TENM3: variants seen among roughly 807,000 people sequenced by gnomAD.
TENM3 encodes teneurin-3.
A neutral mutation model predicts 255.1 loss-of-function variants in TENM3; 63 were observed. The ratio of observed to expected loss-of-function variants is 0.25; its 90% CI spans 0.20 to 0.30. The LOEUF is 0.30. Among genes scored for constraint, TENM3 ranks in the 10% least tolerant of loss-of-function variants. The probability of loss-of-function intolerance (pLI) is 1.00; values close to 1 mark genes in which losing one functional copy is unlikely to be tolerated. For missense variants in TENM3, 2,929 were observed against 3,461.1 expected (o/e 0.85, Z 3.86); for synonymous variants, 1,306 against 1,322.3 (o/e 0.99, Z 0.27).
chr4:182,193,177 A>G (rs1406475914), intron 1 of TENM3, among the ~76,000 whole-genome samples: 1 of 152,202 alleles, frequency 6.6e-6, no homozygotes, highest in Non-Finnish European at 1.5e-5. Context: ...GTTGTAGAAA[A>G]GTATGTTTCA....
chr4:181,847,316 G>C, the TENM3 span, among the ~76,000 whole-genome samples: 1 of 152,120 alleles, frequency 6.6e-6, no homozygotes, highest in Non-Finnish European at 1.5e-5. Context: ...TTGCTCTTGA[G>C]GGTCACTATT....
the TENM3 span, among the ~76,000 whole-genome samples, chr4:182,100,770 T>TAC: frequency 9.0e-5 from 5 of 55,652 alleles, 1 homozygote; most frequent in African/African-American, 1.5e-4. Flanking sequence ...CACATATATA[T>TAC]ACACATATAT....
chr4:181,595,173 G>C, the TENM3 span, among the ~76,000 whole-genome samples: 1 of 152,074 alleles, frequency 6.6e-6, no homozygotes, highest in Non-Finnish European at 1.5e-5. Context: ...GCTCACGCCT[G>C]TAATCCCAGC....
At chr4:181,555,447 A>G in the TENM3 span, among the ~76,000 whole-genome samples, 6 of 152,226 alleles carry the variant, frequency 3.9e-5, no homozygotes, top group African/African-American at 1.4e-4. Flanking sequence ...TATTTAAGGT[A>G]TGATCAGTTT....
the TENM3 span, among the ~76,000 whole-genome samples, chr4:181,517,527 C>T: frequency 1.3e-5 from 2 of 152,180 alleles, no homozygotes; most frequent in Non-Finnish European, 2.9e-5. Context: ...TACAGAAATG[C>T]TACAGGACTC....
At chr4:181,636,017 G>A in the TENM3 span, among the ~76,000 whole-genome samples, 1 of 152,022 alleles carries the variant, frequency 6.6e-6, no homozygotes, top group African/African-American at 2.4e-5. Flanking sequence ...GTACACACAT[G>A]TGGAAGGAAA....
At chr4:182,295,455 G>A (rs573694635) in intron 1 of TENM3, among the ~76,000 whole-genome samples, 71 of 151,866 alleles carry the variant, frequency 4.7e-4, no homozygotes, top group African/African-American at 1.0e-3. Context: ...TTTTATTAGC[G>A]ATGGGGTTTC....
At chr4:181,579,934 ATTTTATTTTATTTTATT>A in the TENM3 span, among the ~76,000 whole-genome samples, 1 of 3,232 alleles carries the variant, frequency 3.1e-4, no homozygotes, top group African/African-American at 6.5e-4. Context: ...AGTACCTACA[ATTTTATTTTATTTTATT>A]TTATTTTATT....
chr4:181,601,575 A>G, the TENM3 span, among the ~76,000 whole-genome samples: 1 of 152,294 alleles, frequency 6.6e-6, no homozygotes, highest in Non-Finnish European at 1.5e-5. Context: ...CTAAATTGTT[A>G]CATGTACTTT....
At chr4:182,025,496 T>G in the TENM3 span, among the ~76,000 whole-genome samples, 9 of 152,196 alleles carry the variant, frequency 5.9e-5, no homozygotes, top group Non-Finnish European at 4.4e-5. Context: ...TGCAGGTATC[T>G]CTTTGATATA....
the TENM3 span, among the ~76,000 whole-genome samples, chr4:181,926,048 A>G: frequency 6.6e-6 from 1 of 152,226 alleles, no homozygotes; most frequent in Admixed American, 6.5e-5. Context: ...CTTGAAGATA[A>G]CTAAAGAAAG....
At chr4:182,579,941 G>C (rs994888022) in intron 3 of TENM3, among the ~76,000 whole-genome samples, 5 of 152,190 alleles carry the variant, frequency 3.3e-5, no homozygotes, top group African/African-American at 1.2e-4. Flanking sequence ...TTATCTGTGA[G>C]AAGGCAGAGG....
chr4:182,509,967 G>C (rs976614966), intron 3 of TENM3, among the ~76,000 whole-genome samples: 1 of 149,668 alleles, frequency 6.7e-6, no homozygotes, highest in Non-Finnish European at 1.5e-5. Flanking sequence ...AATGTAGGGA[G>C]ATACAGGTAT....
At chr4:182,390,098 A>G (rs1231220365) in intron 3 of TENM3, among the ~76,000 whole-genome samples, 1 of 152,140 alleles carries the variant, frequency 6.6e-6, no homozygotes, top group Non-Finnish European at 1.5e-5. Flanking sequence ...TATTAGCGTT[A>G]AACTTTTTAA....
the TENM3 span, among the ~76,000 whole-genome samples, chr4:181,639,000 G>A: frequency 6.6e-5 from 10 of 152,112 alleles, no homozygotes; most frequent in Non-Finnish European, 7.4e-5. Context: ...GATCTAACTG[G>A]ACAAATTGTT....
At chr4:182,196,707 T>A (rs924453917) in intron 1 of TENM3, among the ~76,000 whole-genome samples, 1 of 152,248 alleles carries the variant, frequency 6.6e-6, no homozygotes, top group Non-Finnish European at 1.5e-5. Context: ...ATACTGTGAC[T>A]TTAAGAAAAG....
chr4:182,719,800 C>T (rs1202904977), intron 13 of TENM3, among the ~76,000 whole-genome samples: 1 of 152,140 alleles, frequency 6.6e-6, no homozygotes, highest in African/African-American at 2.4e-5. Flanking sequence ...GTGGCTCATA[C>T]CTGTAATCCT....
chr4:181,778,389 G>T, the TENM3 span, among the ~76,000 whole-genome samples: 1 of 152,090 alleles, frequency 6.6e-6, no homozygotes, highest in Non-Finnish European at 1.5e-5. Flanking sequence ...TTTATTGTAA[G>T]AATTCAATTT....
At chr4:182,257,137 C>A (rs1002876252) in intron 1 of TENM3, among the ~76,000 whole-genome samples, 1 of 152,164 alleles carries the variant, frequency 6.6e-6, no homozygotes, top group African/African-American at 2.4e-5. Context: ...GGCACTGGAT[C>A]CCATCTTAGA....
Sources: allele counts gnomAD v4.1 joint callset (sites outside exome capture counted in the v4.1 genomes callset), GRCh38; gene constraint gnomAD v4.1.1; transcripts MANE v1.5; gene names NCBI Gene and HGNC (gene_info 2026-07-23, HGNC 2026-07-21).